The following KHDRBS3 variants were observed in gnomAD, a reference collection of about 807,000 sequenced individuals.
KHDRBS3 encodes KH domain-containing, RNA-binding, signal transduction-associated protein 3.
KHDRBS3 carries 23 observed loss-of-function variants against 45.6 expected under a neutral mutation model. The ratio of observed to expected loss-of-function variants is 0.50; its 90% CI spans 0.36 to 0.72. The LOEUF (loss-of-function observed/expected upper bound fraction) is 0.72, where lower values mean the gene tolerates loss of function less well. Among genes scored for constraint, KHDRBS3 ranks in the 30% least tolerant of loss-of-function variants. The pLI is 0.00. For missense variants in KHDRBS3, 352 were observed against 424.8 expected (o/e 0.83, Z 1.51); for synonymous variants, 162 against 156.5 (o/e 1.04, Z -0.26).
At chr8:135,610,080 A>ATC (rs753971457) in intron 7 of KHDRBS3, among the ~76,000 whole-genome samples, 8 of 151,872 alleles carry the variant, frequency 5.3e-5, no homozygotes, top group Non-Finnish European at 8.8e-5. Context: ...AGTCCATGTG[A>ATC]TCTTCTGGTT....
intron 1 of KHDRBS3, among the ~76,000 whole-genome samples, chr8:135,505,105 A>G (rs746665920): frequency 4.7e-4 from 72 of 152,220 alleles, no homozygotes; most frequent in Non-Finnish European, 5.0e-4. Context: ...CCATCAGTAC[A>G]TCACAGTTCT....
chr8:135,543,077 A>G (rs1474503403), intron 3 of KHDRBS3, among the ~76,000 whole-genome samples: 2 of 152,192 alleles, frequency 1.3e-5, no homozygotes, highest in African/African-American at 4.8e-5. Flanking sequence ...CTATAGTCTC[A>G]TCATTACTGT....
chr8:135,528,603 A>G (rs1312711987), intron 2 of KHDRBS3, among the ~76,000 whole-genome samples: 2 of 152,178 alleles, frequency 1.3e-5, no homozygotes, highest in Admixed American at 1.3e-4. Flanking sequence ...TTTTGTATCC[A>G]CAGTGCCAAA....
chr8:135,481,475 T>G (rs775794239), intron 1 of KHDRBS3, among the ~76,000 whole-genome samples: 8 of 151,988 alleles, frequency 5.3e-5, no homozygotes, highest in Non-Finnish European at 1.0e-4. Context: ...ATTGGAATCT[T>G]CTTTATGTCT....
chr8:135,468,498 G>T (rs1821812851), intron 1 of KHDRBS3, among the ~76,000 whole-genome samples: 1 of 152,190 alleles, frequency 6.6e-6, no homozygotes, highest in South Asian at 2.1e-4. Flanking sequence ...TTCTGTAAAG[G>T]CTAAAGAGTA....
intron 1 of KHDRBS3, among the ~76,000 whole-genome samples, chr8:135,484,424 C>T (rs182153008): frequency 9.0e-4 from 137 of 152,324 alleles, no homozygotes; most frequent in African/African-American, 3.0e-3. Context: ...CCCTCCTCTC[C>T]GCCGGCTGTG....
intron 1 of KHDRBS3, among the ~76,000 whole-genome samples, chr8:135,488,787 T>C (rs4909486): frequency 0.8 from 121,454 of 151,676 alleles, 49,142 homozygotes; most frequent in East Asian, 0.96. Context: ...AATATGGCAT[T>C]GTAACTTAAG....
intron 7 of KHDRBS3, among the ~76,000 whole-genome samples, chr8:135,614,961 A>C (rs777073639): frequency 2.7e-4 from 41 of 151,698 alleles, no homozygotes; most frequent in Non-Finnish European, 5.7e-4. Context: ...AGGAGATAGA[A>C]AATTACTGAG....
chr8:135,468,481 A>C (rs1821811866), intron 1 of KHDRBS3, among the ~76,000 whole-genome samples: 1 of 152,224 alleles, frequency 6.6e-6, no homozygotes, highest in South Asian at 2.1e-4. Context: ...TAGGGACAGC[A>C]AACTTTTTCT....
At chr8:135,654,539 C>T (rs556445007) in intron 4 of KHDRBS3, among the ~76,000 whole-genome samples, 4 of 152,310 alleles carry the variant, frequency 2.6e-5, no homozygotes, top group Non-Finnish European at 5.9e-5. Context: ...TGGCATGTGG[C>T]AGGCTGGTTA....
At chr8:135,601,191 G>A (rs1032940699) in intron 6 of KHDRBS3, among the ~76,000 whole-genome samples, 5 of 152,228 alleles carry the variant, frequency 3.3e-5, no homozygotes, top group Admixed American at 3.3e-4. Flanking sequence ...GTCCAGCAAT[G>A]TAATGAACAT....
intron 1 of KHDRBS3, among the ~76,000 whole-genome samples, chr8:135,491,939 T>G (rs1823175517): frequency 6.6e-6 from 1 of 152,080 alleles, no homozygotes; most frequent in African/African-American, 2.4e-5. Flanking sequence ...CTTCTTTTTT[T>G]TTTTTTTTAA....
At chr8:135,485,735 A>G (rs1289794260) in intron 1 of KHDRBS3, among the ~76,000 whole-genome samples, 8 of 151,432 alleles carry the variant, frequency 5.3e-5, no homozygotes, top group Admixed American at 5.3e-4. Flanking sequence ...TGATGATGGC[A>G]TTTGCAAAGT....
intron 1 of KHDRBS3, among the ~76,000 whole-genome samples, chr8:135,506,849 A>G (rs1406875603): frequency 6.6e-6 from 1 of 151,850 alleles, no homozygotes; most frequent in Admixed American, 6.6e-5. Context: ...TTTACTGACA[A>G]ATCTAACCCT....
At chr8:135,578,476 A>G (rs542956574) in intron 5 of KHDRBS3, among the ~76,000 whole-genome samples, 1 of 151,902 alleles carries the variant, frequency 6.6e-6, no homozygotes, top group Admixed American at 6.6e-5. Context: ...TTTGTTGAAA[A>G]AAAACATTAT....
intron 4 of KHDRBS3, 78 bp from the exon 5 acceptor site, chr8:135,557,370 A>C (rs1826939240): frequency 1.3e-6 from 1 of 793,464 alleles, no homozygotes; most frequent in Non-Finnish European, 1.9e-6. Context: ...TTCTATTAAG[A>C]ATTACTTGCT....
chr8:135,540,671 A>G (rs1276143028), intron 2 of KHDRBS3: 1 of 152,140 alleles, frequency 6.6e-6, no homozygotes, highest in Admixed American at 6.5e-5. Flanking sequence ...CTGGGCTTAC[A>G]CCTCCTCTTA....
At chr8:135,482,985 C>T (rs962587079) in intron 1 of KHDRBS3, among the ~76,000 whole-genome samples, 1 of 152,082 alleles carries the variant, frequency 6.6e-6, no homozygotes, top group Non-Finnish European at 1.5e-5. Context: ...GAACGATGTA[C>T]GTAAAATAAC....
chr8:135,478,026 C>A (rs1051548975), intron 1 of KHDRBS3, among the ~76,000 whole-genome samples: 2 of 152,172 alleles, frequency 1.3e-5, no homozygotes, highest in Non-Finnish European at 2.9e-5. Flanking sequence ...GGAGTACAAA[C>A]CCTGCTGTGA....
Sources: gnomAD v4.1 joint callset for allele counts (sites outside exome capture counted in the v4.1 genomes callset) on GRCh38, gnomAD v4.1.1 for gene constraint, MANE v1.5 for transcripts, NCBI Gene and HGNC (gene_info 2026-07-23, HGNC 2026-07-21) for gene names.